The following PRKAR1B variants were observed in gnomAD, a reference collection of about 807,000 sequenced individuals.
PRKAR1B encodes the protein cAMP-dependent protein kinase type I-beta regulatory subunit.
PRKAR1B carries 22 observed loss-of-function variants against 46.5 expected under a neutral mutation model. That is an observed-to-expected ratio of 0.47 (90% confidence interval 0.34 to 0.68). The LOEUF (loss-of-function observed/expected upper bound fraction) is 0.68, where lower values mean the gene tolerates loss of function less well. PRKAR1B is among the 30% of genes least tolerant of loss of function. The probability of loss-of-function intolerance (pLI) is 0.01; values close to 1 mark genes in which losing one functional copy is unlikely to be tolerated. For synonymous variants in PRKAR1B, 259 were observed against 217.7 expected (o/e 1.19, Z -1.67); for missense variants, 445 against 535.6 (o/e 0.83, Z 1.67).
chr7:615,985 G>A (rs1015148846), intron 4 of PRKAR1B, among the ~76,000 whole-genome samples: 10 of 142,372 alleles, frequency 7.0e-5, no homozygotes, highest in African/African-American at 2.7e-4. Flanking sequence ...AGAGAAAGAG[G>A]GAGAGAGAAA....
chr7:609,337 T>C (rs1419983985), intron 4 of PRKAR1B, among the ~76,000 whole-genome samples: 1 of 152,216 alleles, frequency 6.6e-6, no homozygotes, highest in Non-Finnish European at 1.5e-5. Flanking sequence ...ATATTTCAAC[T>C]TATAATGGTA....
intron 6 of PRKAR1B, among the ~76,000 whole-genome samples, chr7:601,378 T>A (rs1020433507): frequency 6.6e-6 from 1 of 152,220 alleles, no homozygotes; most frequent in African/African-American, 2.4e-5. Flanking sequence ...TGGGGCTGCC[T>A]GGGGCTGCCA....
chr7:638,904 C>A (rs1426731624), intron 4 of PRKAR1B, among the ~76,000 whole-genome samples: 1 of 152,018 alleles, frequency 6.6e-6, no homozygotes, highest in Non-Finnish European at 1.5e-5. Context: ...TGGTGAAACC[C>A]CCGTCTCTAT....
intron 3 of PRKAR1B, among the ~76,000 whole-genome samples, chr7:677,692 G>A (rs1174040381): frequency 1.3e-5 from 2 of 152,126 alleles, no homozygotes; most frequent in African/African-American, 4.8e-5. Context: ...CTCCCAAAGT[G>A]CTGGGATTAC....
At chr7:607,153 G>A (rs1475102502) in intron 5 of PRKAR1B, among the ~76,000 whole-genome samples, 7 of 152,062 alleles carry the variant, frequency 4.6e-5, no homozygotes, top group Non-Finnish European at 1.0e-4. Context: ...ACAGGCACCC[G>A]CCACCACACC....
chr7:656,195 T>C (rs993378936), intron 4 of PRKAR1B, among the ~76,000 whole-genome samples: 1 of 152,044 alleles, frequency 6.6e-6, no homozygotes, highest in Non-Finnish European at 1.5e-5. Context: ...AATGAATGAA[T>C]GGAAAAATGA....
At chr7:610,277 C>T (rs1782400270) in intron 4 of PRKAR1B, among the ~76,000 whole-genome samples, 1 of 152,196 alleles carries the variant, frequency 6.6e-6, no homozygotes, top group Non-Finnish European at 1.5e-5. Flanking sequence ...GAAACCCTTC[C>T]TGGGAGGTTT....
chr7:727,004 T>C, intron 1 of PRKAR1B: 2 of 1,247,160 alleles, frequency 1.6e-6, no homozygotes, highest in Non-Finnish European at 2.0e-6. Flanking sequence ...TGCCGCGCGC[T>C]GGCAGTGCAC....
At chr7:691,058 C>T (rs1212539065) in intron 2 of PRKAR1B, among the ~76,000 whole-genome samples, 2 of 150,492 alleles carry the variant, frequency 1.3e-5, no homozygotes, top group African/African-American at 2.5e-5. Flanking sequence ...GGGTCCCACG[C>T]CCACCCACAC....
intron 4 of PRKAR1B, among the ~76,000 whole-genome samples, chr7:626,998 C>T (rs938463905): frequency 6.6e-6 from 1 of 152,114 alleles, no homozygotes; most frequent in African/African-American, 2.4e-5. Flanking sequence ...CCTCAGCCTC[C>T]CGAATAGCTG....
chr7:591,930 C>T (rs967794001), intron 7 of PRKAR1B, among the ~76,000 whole-genome samples: 1 of 152,216 alleles, frequency 6.6e-6, no homozygotes, highest in Non-Finnish European at 1.5e-5. Flanking sequence ...CTCCCACGCA[C>T]GGCTGTGGGG....
intron 4 of PRKAR1B, among the ~76,000 whole-genome samples, chr7:618,315 CA>C (rs1236782898): frequency 6.6e-6 from 1 of 152,182 alleles, no homozygotes; most frequent in African/African-American, 2.4e-5. Context: ...CTTTAAACCC[CA>C]GATGTAAATA....
In PRKAR1B at chr7:550,361, C is replaced by A. The variant is rs1784103097; in HGVS notation, c.*69G>T. ...CACACCTCACACAGCGGCTCCCGGGCCCCCGACACAGACGAGCAGGGCACG... is the reference window on the plus strand; with the variant it reads ...CACACCTCACACAGCGGCTCCCGGGACCCCGACACAGACGAGCAGGGCACG... On this transcript the variant is annotated 3_prime_UTR_variant, in exon 11 of 11. Coordinates refer to ENST00000537384, the MANE Select transcript of PRKAR1B (RefSeq NM_001164760.2). 9 of 1,460,370 alleles carry A rather than the reference C, an allele frequency of 6.2e-6. No individual in the cohort carries two copies. Among genetic ancestry groups the A allele is most frequent in the Non-Finnish European group, 7.5e-6 (8 of 1,069,574 alleles). The allele number at this position is 1,460,370 out of a possible 1,614,324, so 90.5% of individuals were successfully genotyped here. A position where few individuals can be genotyped will look rare whatever the true frequency, so the allele number is the denominator to read the frequency against.
At chr7:628,458 C>A (rs1026221436) in intron 4 of PRKAR1B, among the ~76,000 whole-genome samples, 6 of 152,262 alleles carry the variant, frequency 3.9e-5, no homozygotes, top group Non-Finnish European at 8.8e-5. Flanking sequence ...CCAAGGATTT[C>A]ATTCCTGGAG....
chr7:708,688 C>T (rs1163593730), intron 2 of PRKAR1B, among the ~76,000 whole-genome samples: 1 of 151,750 alleles, frequency 6.6e-6, no homozygotes, highest in African/African-American at 2.4e-5. Flanking sequence ...GGTTTCACCA[C>T]GTTGGCCAGG....
intron 2 of PRKAR1B, among the ~76,000 whole-genome samples, chr7:680,947 TC>T (rs1562611751): frequency 2.0e-5 from 3 of 152,010 alleles, no homozygotes; most frequent in Admixed American, 6.6e-5. Context: ...TCATTTTGTG[TC>T]CCCCACCAAA....
intron 2 of PRKAR1B, among the ~76,000 whole-genome samples, chr7:681,909 C>T (rs1003042244): frequency 2.6e-5 from 4 of 152,228 alleles, no homozygotes; most frequent in African/African-American, 9.7e-5. Flanking sequence ...CACTGACCTC[C>T]ACCACGCTCA....
intron 4 of PRKAR1B, among the ~76,000 whole-genome samples, chr7:659,799 C>T (rs1193133181): frequency 5.3e-5 from 8 of 152,134 alleles, no homozygotes; most frequent in Admixed American, 4.6e-4. Flanking sequence ...CTCCACCTCC[C>T]GGGCTTAAGC....
chr7:670,285 G>A (rs990429499), intron 4 of PRKAR1B, among the ~76,000 whole-genome samples: 1 of 152,172 alleles, frequency 6.6e-6, no homozygotes, highest in Admixed American at 6.5e-5. Context: ...CTCCTCCCTA[G>A]GCACCCAGGG....
Sources: allele counts gnomAD v4.1 joint callset (sites outside exome capture counted in the v4.1 genomes callset), GRCh38; gene constraint gnomAD v4.1.1; transcripts MANE v1.5; gene names NCBI Gene and HGNC (gene_info 2026-07-23, HGNC 2026-07-21).